Variants in GRM7 observed in about 807,000 individuals in gnomAD.
GRM7 encodes the protein metabotropic glutamate receptor 7.
Under a neutral mutation model 84.5 loss-of-function variants are expected in GRM7, and 35 were observed. That is an observed-to-expected ratio of 0.41 (90% CI 0.32 to 0.55). The LOEUF (loss-of-function observed/expected upper bound fraction) is 0.55. Among genes scored for constraint, GRM7 ranks in the 20% least tolerant of loss-of-function variants. GRM7 has a pLI of 0.19. For synonymous variants in GRM7, 487 were observed against 455.1 expected, an observed-to-expected ratio of 1.07 and a Z score of -0.89; for missense variants, 1,003 against 1,194.6, an observed-to-expected ratio of 0.84 and a Z score of 2.36.
intron 1 of GRM7, among the ~76,000 whole-genome samples, chr3:6,970,850 C>T (rs1368920445): frequency 2.0e-5 from 3 of 152,092 alleles, no homozygotes; most frequent in Non-Finnish European, 2.9e-5. Flanking sequence ...GGCGTGGTGG[C>T]GGGCGCCTGT....
At chr3:6,878,063 G>A (rs1472996198) in intron 1 of GRM7, among the ~76,000 whole-genome samples, 2 of 151,506 alleles carry the variant, frequency 1.3e-5, no homozygotes, top group Non-Finnish European at 2.9e-5. Context: ...GACCAATACA[G>A]CATGTCCCAA....
At chr3:7,578,361 G>T (rs1331678940) in intron 7 of GRM7, 61 bp from the exon 8 acceptor site, 4 of 1,134,792 alleles carry the variant, frequency 3.5e-6, no homozygotes, top group Non-Finnish European at 5.1e-6. Context: ...TGCTGCTGGT[G>T]TTCTTTTTCT....
intron 2 of GRM7, among the ~76,000 whole-genome samples, chr3:7,184,498 T>C (rs1695449309): frequency 6.6e-6 from 1 of 152,168 alleles, no homozygotes; most frequent in Admixed American, 6.5e-5. Flanking sequence ...TGATAAATAC[T>C]ATTAACATTG....
chr3:7,585,923 C>A (rs1242678628), intron 8 of GRM7, among the ~76,000 whole-genome samples: 6 of 152,118 alleles, frequency 3.9e-5, no homozygotes, highest in Non-Finnish European at 8.8e-5. Context: ...CAATACTGGC[C>A]CAATTGTGAA....
At chr3:7,350,091 A>C (rs1446740177) in intron 4 of GRM7, among the ~76,000 whole-genome samples, 1 of 152,144 alleles carries the variant, frequency 6.6e-6, no homozygotes, top group East Asian at 1.9e-4. Flanking sequence ...GTAAGTACCT[A>C]ATCACAAAAC....
intron 7 of GRM7, among the ~76,000 whole-genome samples, chr3:7,503,473 C>G (rs1699945302): frequency 6.6e-6 from 1 of 152,070 alleles, no homozygotes; most frequent in South Asian, 2.1e-4. Flanking sequence ...GTTCTTTTGA[C>G]TTCTAGGATT....
At chr3:7,581,010 A>C (rs1472725647) in intron 8 of GRM7, among the ~76,000 whole-genome samples, 2 of 152,204 alleles carry the variant, frequency 1.3e-5, no homozygotes, top group South Asian at 2.1e-4. Flanking sequence ...AAACAACTCA[A>C]TACCTCATGC....
chr3:7,607,285 A>C (rs1696626369), intron 8 of GRM7: 1 of 143,496 alleles, frequency 7.0e-6, no homozygotes, highest in African/African-American at 3.0e-5. Flanking sequence ...GTTCTGTTTC[A>C]GTTTCAATAA....
At chr3:7,456,467 A>C (rs552599105) in intron 6 of GRM7, among the ~76,000 whole-genome samples, 42 of 149,432 alleles carry the variant, frequency 2.8e-4, no homozygotes, top group Non-Finnish European at 5.9e-4. Flanking sequence ...TTTTTAACAG[A>C]TAAGGAAACT....
chr3:7,162,490 T>C (rs775057678), intron 2 of GRM7, among the ~76,000 whole-genome samples: 30 of 152,028 alleles, frequency 2.0e-4, no homozygotes, highest in Admixed American at 6.6e-5. Flanking sequence ...AACATGGAGA[T>C]GATCAATGGC....
At chr3:7,677,408 A>G (rs189481246) in intron 8 of GRM7, among the ~76,000 whole-genome samples, 2 of 152,040 alleles carry the variant, frequency 1.3e-5, no homozygotes, top group South Asian at 2.1e-4. Context: ...TTTTATGCTC[A>G]TTTTGCAGAT....
intron 6 of GRM7, among the ~76,000 whole-genome samples, chr3:7,454,903 T>A (rs1337656374): frequency 6.6e-6 from 1 of 152,146 alleles, no homozygotes; most frequent in Non-Finnish European, 1.5e-5. Context: ...AATGAGCACA[T>A]GTAGCACACA....
chr3:7,705,134 A>C (rs530495489), intron 9 of GRM7, among the ~76,000 whole-genome samples: 1 of 152,210 alleles, frequency 6.6e-6, no homozygotes, highest in South Asian at 2.1e-4. Flanking sequence ...CCTGAAGCCC[A>C]AAATAGCTTC....
chr3:7,544,937 A>T (rs755963222), intron 7 of GRM7, among the ~76,000 whole-genome samples: 2 of 152,240 alleles, frequency 1.3e-5, no homozygotes, highest in Non-Finnish European at 2.9e-5. Context: ...TAGGGGCATT[A>T]TCACTCCTTG....
chr3:6,892,061 C>T lies in GRM7; in HGVS notation c.519+30154C>T, dbSNP rs537218120. 4.1e-3 allele frequency among the ~76,000 whole-genome samples: 631 copies of T among 152,260 alleles called. 7 individuals carry two copies. The highest frequency in any genetic ancestry group is 0.014 in the African/African-American group (595 of 41,550). ...GCTTCTGCATTCTTCACGTAGTTCT[C>T]GAGCCTTGGCTTTCAGCTCCATCAG... On this transcript the variant is annotated intron_variant, in intron 1 of 9. Transcript: ENST00000357716.
chr3:7,692,113 T>C (rs1285882078), intron 9 of GRM7, among the ~76,000 whole-genome samples: 1 of 152,206 alleles, frequency 6.6e-6, no homozygotes, highest in Non-Finnish European at 1.5e-5. Flanking sequence ...ATTTTCAAGA[T>C]AGTTTACTGT....
rs529680037 is a variant in GRM7, at chr3:6,912,607, T to C, written c.519+50700T>C. 7.3e-4 allele frequency among the ~76,000 whole-genome samples: 111 copies of C among 152,322 alleles called. 1 individual carries two copies. The highest frequency in any genetic ancestry group is 2.4e-3 in the African/African-American group (100 of 41,596). On this transcript the variant is annotated intron_variant, in intron 1 of 9. Coordinates refer to ENST00000357716, the MANE Select transcript of GRM7 (RefSeq NM_000844.4). The stretch of plus-strand genomic sequence containing the variant: ...TGATTCTATGGTTGGAATGCTTTTC[T>C]GTTAGGAAGCTTTAACTTCAATGTC...
At chr3:7,190,838 G>A (rs1695687394) in intron 2 of GRM7, among the ~76,000 whole-genome samples, 1 of 152,094 alleles carries the variant, frequency 6.6e-6, no homozygotes, top group African/African-American at 2.4e-5. Context: ...GCACTCTCTA[G>A]CCAGAGACAA....
chr3:6,980,554 T>C (rs1457729854), intron 1 of GRM7, among the ~76,000 whole-genome samples: 1 of 152,212 alleles, frequency 6.6e-6, no homozygotes, highest in East Asian at 1.9e-4. Context: ...ATCTTTATAC[T>C]TGAGAACTTC....
Sources: allele counts gnomAD v4.1 joint callset (sites outside exome capture counted in the v4.1 genomes callset), GRCh38; gene constraint gnomAD v4.1.1; transcripts MANE v1.5; gene names NCBI Gene and HGNC (gene_info 2026-07-23, HGNC 2026-07-21).